NIN: variants seen among roughly 807,000 people sequenced by gnomAD.
NIN encodes the protein glycogen synthase kinase 3 beta-interacting protein.
Under a neutral mutation model 257.6 loss-of-function variants are expected in NIN, and 137 were observed. The observed-to-expected ratio is 0.53, with a 90% CI of 0.46 to 0.61. NIN has a LOEUF of 0.61. Among genes scored for constraint, NIN ranks in the 20% least tolerant of loss-of-function variants. NIN has a pLI of 0.00. For missense variants in NIN, 2,439 were observed against 2,501.2 expected, an observed-to-expected ratio of 0.98 and a Z score of 0.53; for synonymous variants, 918 against 919.8, an observed-to-expected ratio of 1.00 and a Z score of 0.04.
At position 50,757,082 on chromosome 14, in the gene NIN, T is replaced by A; in HGVS notation, c.3948A>T (p.Ile1316=). 2 of 1,613,384 alleles carry A rather than the reference T, an allele frequency of 1.2e-6. No homozygotes were observed. The highest frequency in any genetic ancestry group is 4.5e-5 in the East Asian group (2 of 44,880). The change falls in exon 18 of 31, where the codon ATA becomes ATT. Residue 1316 remains isoleucine (I), a synonymous_variant. Coordinates refer to ENST00000530997, the MANE Select transcript of NIN (RefSeq NM_020921.4). ...SLEKSYDEVK[I]ENEGLNVLVL... The stretch of plus-strand genomic sequence containing the variant: ...CCAGAACATTCAGCCCCTCATTTTC[T>A]ATTTTGACCTCATCGTAACTCTTTT...
At chr14:50,727,109 T>C in intron 29 of NIN, 1 of 320,182 alleles carries the variant, frequency 3.1e-6, no homozygotes, top group Non-Finnish European at 4.2e-6. Context: ...AATAGCTTTT[T>C]AAAGTTCAAA....
chr14:50,773,380 ATGT>A (rs1366286291), intron 7 of NIN, among the ~76,000 whole-genome samples: 1 of 152,192 alleles, frequency 6.6e-6, no homozygotes, highest in South Asian at 2.1e-4. Context: ...GCAGTCTTTA[ATGT>A]TGTTACACAT....
intron 4 of NIN, among the ~76,000 whole-genome samples, chr14:50,798,189 C>T (rs2043928825): frequency 1.3e-5 from 2 of 152,184 alleles, no homozygotes; most frequent in Non-Finnish European, 2.9e-5. Context: ...ACCTCCCTCC[C>T]CAACTACTTC....
chr14:50,818,495 C>T (rs974544002), intron 3 of NIN, among the ~76,000 whole-genome samples: 17 of 152,108 alleles, frequency 1.1e-4, no homozygotes, highest in Admixed American at 3.9e-4. Flanking sequence ...TGGTTCCCCT[C>T]GATTTTTGTA....
rs548144877 is a variant in NIN at position 50,774,325 on chromosome 14, ATGTAAGGGCT to A, written c.667-1240_667-1231del. Among the ~76,000 whole-genome samples the A allele has an allele frequency of 3.0e-4, 45 of 152,312 alleles. No individual in the cohort carries two copies. In the East Asian group the frequency reaches 3.1e-3, roughly 10 times the overall value. On this transcript the variant is annotated intron_variant, in intron 7 of 30. Transcript: ENST00000530997. ...CTCACTATTGTTGATTTCATTCTTC[ATGTAAGGGCT>A]TGAGGCAATTCTCTCATCTCAAATG...
chr14:50,741,344 G>A (rs749107496), intron 25 of NIN, among the ~76,000 whole-genome samples: 2 of 152,276 alleles, frequency 1.3e-5, no homozygotes, highest in South Asian at 2.1e-4. Context: ...AAACTACAGT[G>A]GCAGAGGGTA....
intron 7 of NIN, among the ~76,000 whole-genome samples, chr14:50,775,936 G>A (rs1443722548): frequency 6.6e-6 from 1 of 151,604 alleles, no homozygotes; most frequent in Non-Finnish European, 1.5e-5. Flanking sequence ...GGAAAGAAGG[G>A]GAAAACAACA....
In NIN at chr14:50,760,090, T is replaced by C; in HGVS notation, c.2166A>G (p.Gln722=). ...KTHLQEKLRL[Q]HEMELKARLT... ...GTCTAGCCTTGAGCTCCATCTCATG[T>C]TGCAGCCTCAGCTTCTCCTGCAGGT... The change falls in exon 17 of 31, where the codon CAA becomes CAG. Residue 722 remains glutamine (Q), a synonymous_variant. Transcript: ENST00000530997. The C allele has an allele frequency of 1.9e-6, 3 of 1,614,216 alleles. No homozygotes were observed. The South Asian group carries it at 3.3e-5, about 18-fold the overall frequency.
At chr14:50,803,498 C>T (rs924948844) in intron 4 of NIN, among the ~76,000 whole-genome samples, 1 of 152,242 alleles carries the variant, frequency 6.6e-6, no homozygotes, top group African/African-American at 2.4e-5. Context: ...TCTCTGCTGC[C>T]TCTGGCCACT....
chr14:50,770,210 G>A (rs1433072725), intron 12 of NIN, among the ~76,000 whole-genome samples, 178 bp downstream of exon 12: 1 of 152,198 alleles, frequency 6.6e-6, no homozygotes, highest in Non-Finnish European at 1.5e-5. Flanking sequence ...AGCCTGGGTA[G>A]CCCTGCTGAA....
intron 8 of NIN, 80 bp downstream of exon 8, chr14:50,772,863 TTCAGAC>T: frequency 1.8e-6 from 2 of 1,136,400 alleles, no homozygotes. Context: ...AGTATTTTGC[TTCAGAC>T]AACAGATTAA....
chr14:50,822,961 A>G (rs2045295029), intron 2 of NIN, among the ~76,000 whole-genome samples: 1 of 152,100 alleles, frequency 6.6e-6, no homozygotes, highest in African/African-American at 2.4e-5. Flanking sequence ...ACCTCCACTC[A>G]CTAAAGCATC....
At position 50,725,988 on chromosome 14, in the gene NIN, G is replaced by A. The variant is rs1566771161; in HGVS notation, c.6157C>T (p.Leu2053Phe). The A allele has an allele frequency of 6.2e-7, 1 of 1,614,098 alleles. No individual in the cohort carries two copies. Among genetic ancestry groups the A allele is most frequent in the Non-Finnish European group, 8.5e-7 (1 of 1,179,972 alleles). Reference sequence around the variant, plus strand: ...AGCTGATTCACTTTCTCTTGAAGAAGCCTTTTCACTAGTTTCAGTTTCTGT... The same window carrying A: ...AGCTGATTCACTTTCTCTTGAAGAAACCTTTTCACTAGTTTCAGTTTCTGT... The part of the protein sequence containing the change: ...VEQKLKLVKR[L>F]LQEKVNQLKE... Residue 2053 changes from leucine to phenylalanine, a missense_variant, in exon 30 of 31, where the codon CTT becomes TTT. Coordinates refer to ENST00000530997, the MANE Select transcript of NIN (RefSeq NM_020921.4).
chr14:50,790,012 T>C (rs2043517052), intron 5 of NIN, among the ~76,000 whole-genome samples: 4 of 152,222 alleles, frequency 2.6e-5, no homozygotes. Context: ...GGGCTTTGCC[T>C]TTTTTAACCG....
chr14:50,758,656 A>ATT, intron 17 of NIN, 26 bp from the exon 18 acceptor site: 1 of 1,522,020 alleles, frequency 6.6e-7, no homozygotes, highest in Non-Finnish European at 8.8e-7. Flanking sequence ...ATACAGCATT[A>ATT]TTGAAACTGC....
intron 4 of NIN, among the ~76,000 whole-genome samples, chr14:50,802,089 G>C (rs1490181880): frequency 6.6e-6 from 1 of 152,144 alleles, no homozygotes; most frequent in Non-Finnish European, 1.5e-5. Context: ...ACGGCAAATT[G>C]AATAAATAGC....
At chr14:50,827,343 C>G (rs1355608628) in intron 2 of NIN, among the ~76,000 whole-genome samples, 2 of 152,212 alleles carry the variant, frequency 1.3e-5, no homozygotes, top group African/African-American at 4.8e-5. Flanking sequence ...TGCTCAGTGT[C>G]TCACTTCTAG....
intron 2 of NIN, among the ~76,000 whole-genome samples, chr14:50,824,561 T>A (rs549993022): frequency 6.6e-6 from 1 of 152,224 alleles, no homozygotes; most frequent in Non-Finnish European, 1.5e-5. Flanking sequence ...CAAATGTTCA[T>A]CAGTAATTTC....
chr14:50,727,618 G>T, intron 29 of NIN: 2 of 1,440,722 alleles, frequency 1.4e-6, no homozygotes, highest in Non-Finnish European at 1.9e-6. Context: ...TCTGTGTGTG[G>T]TGTGTGTGCA....
Sources: allele counts gnomAD v4.1 joint callset (sites outside exome capture counted in the v4.1 genomes callset), GRCh38; gene constraint gnomAD v4.1.1; transcripts MANE v1.5; gene names NCBI Gene and HGNC (gene_info 2026-07-23, HGNC 2026-07-21).